The following C1D variants were observed in gnomAD, a reference collection of about 807,000 sequenced individuals.
The protein encoded by C1D is C1D nuclear receptor corepressor.
A neutral mutation model predicts 17.5 loss-of-function variants in C1D; 10 were observed. The observed-to-expected ratio is 0.57, with a 90% CI of 0.35 to 0.97. C1D has a LOEUF of 0.97. Ranked by LOEUF, C1D falls within the 50% of genes least tolerant of loss-of-function variation. The pLI is 0.01. For synonymous variants in C1D, 49 were observed against 54.0 expected (o/e 0.91, Z 0.40); for missense variants, 136 against 160.1 (o/e 0.85, Z 0.81).
At position 68,042,974 on chromosome 2, in the gene C1D, G is replaced by T; in HGVS notation, c.341C>A (p.Ala114Asp). 6.2e-7 allele frequency: 1 copy of T among 1,610,960 alleles called. No individual in the cohort carries two copies. The highest frequency in any genetic ancestry group is 2.2e-5 in the East Asian group (1 of 44,838). ...GAGGGCATTTTTTACAAATCTTGAAGCTGCACCTCTGTCCAGCTTGCCAGC... is the reference window on the plus strand; with the variant it reads ...GAGGGCATTTTTTACAAATCTTGAATCTGCACCTCTGTCCAGCTTGCCAGC... Reference protein sequence around the residue: ...KKAGKLDRGAASRFVKNALWE... With the variant: ...KKAGKLDRGADSRFVKNALWE... The change falls in exon 5 of 5, where the codon GCT becomes GAT. Residue 114 changes from alanine to aspartate, a missense_variant. By Grantham distance (126) the Ala-to-Asp change is moderately radical (BLOSUM62 -2). Coordinates refer to ENST00000410067, the MANE Select transcript of C1D (RefSeq NM_173177.3).
chr2:68,045,887 A>G (rs1449912213), intron 4 of C1D, 101 bp downstream of exon 4: 7 of 807,548 alleles, frequency 8.7e-6, no homozygotes, highest in Non-Finnish European at 1.4e-5. Context: ...CATAATTTCA[A>G]CTCGAATTCT....
At chr2:68,056,676 C>T (rs1671447135) in intron 1 of C1D, among the ~76,000 whole-genome samples, 1 of 152,028 alleles carries the variant, frequency 6.6e-6, no homozygotes, top group Non-Finnish European at 1.5e-5. Context: ...AGCTACTCAG[C>T]CTTACTGATA....
In C1D at chr2:68,045,913, T is replaced by A. The variant is rs1572879275; in HGVS notation, c.261+75A>T. 7 of 976,496 alleles carry A rather than the reference T, an allele frequency of 7.2e-6. No individual in the cohort carries two copies. In the East Asian group the frequency reaches 1.9e-4, roughly 27 times the overall value. The allele number at this position is 976,496 out of a possible 1,614,324, so 60.5% of individuals were successfully genotyped here. Reference sequence around the variant, plus strand: ...CTCGAATTCTGTTCTCCCTAATTTGTGTGACAAAGGTAGTGTGACAAACCT... The same window carrying A: ...CTCGAATTCTGTTCTCCCTAATTTGAGTGACAAAGGTAGTGTGACAAACCT... On this transcript the variant is annotated intron_variant, in intron 4 of 4. Coordinates refer to ENST00000410067, the MANE Select transcript of C1D (RefSeq NM_173177.3).
intron 2 of C1D, among the ~76,000 whole-genome samples, chr2:68,046,719 G>A (rs10496160): frequency 1.3e-5 from 2 of 152,056 alleles, no homozygotes; most frequent in Admixed American, 1.3e-4. Context: ...TCTGGGCTTT[G>A]TAAGTCAAAA....
rs1305304766 is a variant in C1D, at chr2:68,047,217, G to C, written c.94C>G (p.Leu32Val). ...ENSIGAVDEM[L>V]KTMMSVSRNE... ...CTAGAAACAGACATCATGGTCTTCA[G>C]CATCTCATCCACAGCACCAATGGAA... is the stretch of plus-strand genomic sequence containing the variant. Residue 32 changes from leucine (L) to valine (V), a missense_variant, in exon 2 of 5, where the codon CTG becomes GTG. Coordinates refer to ENST00000410067, the MANE Select transcript of C1D (RefSeq NM_173177.3). 1.2e-6 allele frequency: 2 copies of C among 1,611,978 alleles called. No individual in the cohort carries two copies. The highest frequency in any genetic ancestry group is 4.5e-5 in the East Asian group (2 of 44,816).
chr2:68,050,552 T>TG (rs944154542), intron 1 of C1D, among the ~76,000 whole-genome samples: 2 of 152,200 alleles, frequency 1.3e-5, no homozygotes, highest in Non-Finnish European at 2.9e-5. Flanking sequence ...CACTGTTGAC[T>TG]GCCTTCTCTT....
In C1D at chr2:68,060,673, C is replaced by T. The variant is rs138448566; in HGVS notation, c.-10+2285G>A. On this transcript the variant is annotated intron_variant, in intron 1 of 4. Coordinates refer to ENST00000410067, the MANE Select transcript of C1D (RefSeq NM_173177.3). ...AGGGGCGAGATGGGGTGGGGCAGGG[C>T]GGGCAAGGGCAGAGCAGGGCAGGAA... 4.0e-5 allele frequency among the ~76,000 whole-genome samples: 5 copies of T among 124,024 alleles called. No individual in the cohort carries two copies. The East Asian group carries it at 1.3e-3, about 33-fold the overall frequency. 81.4% of individuals were successfully genotyped at this position (124,024 alleles called of 152,430 possible). A position where few individuals can be genotyped will look rare whatever the true frequency, so the allele number is the denominator to read the frequency against.
At chr2:68,059,643 C>G (rs754200516) in intron 1 of C1D, among the ~76,000 whole-genome samples, 3 of 152,158 alleles carry the variant, frequency 2.0e-5, no homozygotes, top group Non-Finnish European at 2.9e-5. Context: ...TTCATTTCAC[C>G]TGATCCATCA....
At chr2:68,059,325 T>C (rs1384923409) in intron 1 of C1D, among the ~76,000 whole-genome samples, 2 of 152,174 alleles carry the variant, frequency 1.3e-5, no homozygotes, top group African/African-American at 4.8e-5. Context: ...GGAAGTGACA[T>C]TTCAACAAGA....
intron 1 of C1D, among the ~76,000 whole-genome samples, chr2:68,057,762 TAGC>T (rs1671481035): frequency 6.6e-6 from 1 of 152,212 alleles, no homozygotes; most frequent in Non-Finnish European, 1.5e-5. Context: ...TCCCCCTACT[TAGC>T]AGCAACAACT....
chr2:68,056,223 A>G (rs1671433859), intron 1 of C1D, among the ~76,000 whole-genome samples: 1 of 152,136 alleles, frequency 6.6e-6, no homozygotes. Context: ...CCCAAGTTCA[A>G]GCAATTCTCC....
At chr2:68,052,724 A>C (rs1671325693) in intron 1 of C1D, among the ~76,000 whole-genome samples, 3 of 152,210 alleles carry the variant, frequency 2.0e-5, no homozygotes, top group Admixed American at 6.5e-5. Flanking sequence ...GGACTAAAAA[A>C]TAAAGGCTCT....
rs908460799 is a variant in C1D at position 68,042,049 on chromosome 2, A to T, written c.*840T>A. Reference sequence around the variant, plus strand: ...TGATACAGCCTCAAAAACATGAAATAAAAAAAATCTGAAAAAAAATGAGAT... The same window carrying T: ...TGATACAGCCTCAAAAACATGAAATTAAAAAAATCTGAAAAAAAATGAGAT... On this transcript the variant is annotated 3_prime_UTR_variant, in exon 5 of 5. Transcript: ENST00000410067. 5 of 151,946 alleles carry T rather than the reference A, an allele frequency of 3.3e-5. No individual in the cohort carries two copies. Among genetic ancestry groups the T allele is most frequent in the Non-Finnish European group, 7.4e-5 (5 of 67,876 alleles). 9.4% of individuals were successfully genotyped at this position (151,946 alleles called of 1,614,324 possible). A position where few individuals can be genotyped will look rare whatever the true frequency, so the allele number is the denominator to read the frequency against.
chr2:68,062,671 G>A (rs76609245), intron 1 of C1D, among the ~76,000 whole-genome samples: 34 of 152,232 alleles, frequency 2.2e-4, no homozygotes, highest in African/African-American at 6.3e-4. Flanking sequence ...ATTTGAGAAG[G>A]GGGTGGTTAA....
chr2:68,046,435 A>G, intron 2 of C1D, 25 bp from the exon 3 acceptor site: 2 of 1,543,612 alleles, frequency 1.3e-6, no homozygotes, highest in South Asian at 1.1e-5. Flanking sequence ...AGAGAGAGGG[A>G]AAGAGAGAAA....
chr2:68,046,317 T>C, intron 3 of C1D, 27 bp downstream of exon 3: 1 of 1,524,390 alleles, frequency 6.6e-7, no homozygotes, highest in Non-Finnish European at 9.0e-7. Flanking sequence ...ATTTGCTTTC[T>C]AATTAATTCC....
At chr2:68,051,873 A>G (rs1252536819) in intron 1 of C1D, among the ~76,000 whole-genome samples, 3 of 151,874 alleles carry the variant, frequency 2.0e-5, no homozygotes, top group African/African-American at 7.3e-5. Flanking sequence ...TACATTCCTC[A>G]ATATCAACTA....
chr2:68,046,948 CT>C (rs11303751), intron 2 of C1D, among the ~76,000 whole-genome samples: 43,814 of 151,220 alleles, frequency 0.29, 9,088 homozygotes, highest in African/African-American at 0.59. Context: ...GTGAGTGCTC[CT>C]TTTTTTTTCC....
At chr2:68,044,777 T>C (rs779205221) in intron 4 of C1D, among the ~76,000 whole-genome samples, 3 of 152,100 alleles carry the variant, frequency 2.0e-5, no homozygotes, top group African/African-American at 7.2e-5. Context: ...CCAACCCTTA[T>C]CTAGAATATT....
Sources: gnomAD v4.1 joint callset for allele counts (sites outside exome capture counted in the v4.1 genomes callset) on GRCh38, gnomAD v4.1.1 for gene constraint, MANE v1.5 for transcripts, NCBI Gene and HGNC (gene_info 2026-07-23, HGNC 2026-07-21) for gene names.